Variants in DISC1 observed in about 807,000 individuals in gnomAD.
The protein encoded by DISC1 is disrupted in schizophrenia 1 protein.
Under a neutral mutation model 84.5 loss-of-function variants are expected in DISC1, and 57 were observed. The observed-to-expected ratio is 0.67, with a 90% CI of 0.55 to 0.84. The LOEUF (loss-of-function observed/expected upper bound fraction) is 0.84. DISC1 is among the 40% of genes least tolerant of loss of function. The pLI is 0.00. For synonymous variants in DISC1, 411 were observed against 415.2 expected (o/e 0.99, Z 0.12); for missense variants, 1,000 against 1,057.8 (o/e 0.95, Z 0.76).
chr1:231,757,311 G>T (rs886379477), intron 4 of DISC1, among the ~76,000 whole-genome samples: 1 of 152,056 alleles, frequency 6.6e-6, no homozygotes, highest in African/African-American at 2.4e-5. Context: ...TGAGTTATTC[G>T]TTCACTCCTT....
chr1:232,022,648 CA>C (rs1283802460), intron 11 of DISC1, among the ~76,000 whole-genome samples: 17 of 152,146 alleles, frequency 1.1e-4, no homozygotes, highest in Non-Finnish European at 2.1e-4. Flanking sequence ...TCTGGACAGA[CA>C]GATTTCTTTG....
At chr1:231,942,609 G>T (rs1409606633) in intron 9 of DISC1, among the ~76,000 whole-genome samples, 1 of 152,088 alleles carries the variant, frequency 6.6e-6, no homozygotes, top group Non-Finnish European at 1.5e-5. Flanking sequence ...AGGTTGCAGC[G>T]AGCCGAGATT....
chr1:231,722,797 C>A (rs933528508), intron 3 of DISC1: 56 of 1,450,694 alleles, frequency 3.9e-5, no homozygotes, highest in Non-Finnish European at 8.1e-6. Flanking sequence ...TGGCCATGGG[C>A]TTGAAAAAAA....
Position 231,886,778 on chromosome 1 carries a change from T to A in DISC1, c.1981+68261T>A, listed in dbSNP as rs570132147. 8.9e-4 allele frequency among the ~76,000 whole-genome samples: 82 copies of A among 92,024 alleles called. 1 individual carries two copies. Among genetic ancestry groups the A allele is most frequent in the African/African-American group, 2.9e-3 (76 of 25,982 alleles). 60.4% of individuals were successfully genotyped at this position (92,024 alleles called of 152,430 possible). ...TTCTTCCTTCCTTCCTTTCTTTCTT[T>A]CTTTCTTTCTTTCTTTCTTTCTTTC... On this transcript the variant is annotated intron_variant, in intron 9 of 12. Coordinates refer to ENST00000439617, the MANE Select transcript of DISC1 (RefSeq NM_018662.3).
At chr1:231,948,414 A>G (rs1205848021) in intron 9 of DISC1, among the ~76,000 whole-genome samples, 1 of 152,094 alleles carries the variant, frequency 6.6e-6, no homozygotes, top group African/African-American at 2.4e-5. Context: ...ATGGGAACAC[A>G]TGGACATAGG....
chr1:231,984,364 G>T (rs1664096963), intron 10 of DISC1, among the ~76,000 whole-genome samples: 1 of 152,156 alleles, frequency 6.6e-6, no homozygotes. Context: ...TTTGAGTATA[G>T]TTTGATGGAT....
chr1:232,028,702 G>T (rs1669713026), intron 12 of DISC1, among the ~76,000 whole-genome samples: 1 of 152,134 alleles, frequency 6.6e-6, no homozygotes, highest in Non-Finnish European at 1.5e-5. Flanking sequence ...AGGTAGAAAA[G>T]TGTTATCCAA....
rs1414631675 is a variant in DISC1, at chr1:231,702,536, C to T, written c.1117+512C>T. The T allele has an allele frequency of 4.1e-6, 4 of 985,298 alleles. No homozygotes were observed. In the East Asian group the frequency reaches 3.4e-4, roughly 84 times the overall value. The allele number at this position is 985,298 out of a possible 1,614,324, so 61.0% of individuals were successfully genotyped here. A position where few individuals can be genotyped will look rare whatever the true frequency, so the allele number is the denominator to read the frequency against. Reference sequence around the variant, plus strand: ...AATGTCAGACTGTGCCAAAGGGGGTCACATGCATCAAATTTCCACATACAT... The same window carrying T: ...AATGTCAGACTGTGCCAAAGGGGGTTACATGCATCAAATTTCCACATACAT... On this transcript the variant is annotated intron_variant, in intron 3 of 12. Coordinates refer to ENST00000439617, the MANE Select transcript of DISC1 (RefSeq NM_018662.3).
intron 9 of DISC1, among the ~76,000 whole-genome samples, chr1:231,845,186 T>C (rs1359012089): frequency 6.6e-6 from 1 of 152,142 alleles, no homozygotes; most frequent in African/African-American, 2.4e-5. Context: ...CTGGTTAAAT[T>C]TTAGAGTTCT....
chr1:232,008,855 C>T lies in DISC1; in HGVS notation c.2113C>T (p.Leu705=). 1 of 1,613,152 alleles carries T rather than the reference C, an allele frequency of 6.2e-7. No homozygotes were observed. The highest frequency in any genetic ancestry group is 8.5e-7 in the Non-Finnish European group (1 of 1,179,500). The change falls in exon 11 of 13, where the codon CTA becomes TTA. Residue 705 remains leucine (L), a synonymous_variant. Transcript: ENST00000439617. The part of the protein sequence containing the change: ...LEACRLLIQS[L]QLQEARGSLS... ...AGCTTGTCGATTGCTTATCCAGAGCCTACAGCTCCAGGAAGCCAGGGGAAG... is the reference window on the plus strand; with the variant it reads ...AGCTTGTCGATTGCTTATCCAGAGCTTACAGCTCCAGGAAGCCAGGGGAAG...
chr1:231,866,880 T>C (rs2085101201), intron 9 of DISC1, among the ~76,000 whole-genome samples: 1 of 152,222 alleles, frequency 6.6e-6, no homozygotes, highest in Non-Finnish European at 1.5e-5. Flanking sequence ...AAGCTTACCG[T>C]CTGCTCATCC....
intron 9 of DISC1, among the ~76,000 whole-genome samples, chr1:231,875,881 G>A (rs200760853): frequency 5.3e-5 from 8 of 152,190 alleles, no homozygotes; most frequent in Non-Finnish European, 1.0e-4. Context: ...AAAGCATAAA[G>A]CAAACTGTAC....
intron 3 of DISC1, chr1:231,722,848 C>T (rs369331261): frequency 2.7e-5 from 38 of 1,412,578 alleles, no homozygotes; most frequent in Admixed American, 5.8e-5. Context: ...TTCTCCCATG[C>T]GTTTCCCAGT....
intron 3 of DISC1, among the ~76,000 whole-genome samples, chr1:231,739,460 C>CTGCCAGATGCCTCTG (rs1490546656): frequency 3.3e-5 from 5 of 152,250 alleles, no homozygotes; most frequent in Non-Finnish European, 4.4e-5. Context: ...ACCACGTGTG[C>CTGCCAGATGCCTCTG]TGCCAGATGC....
At chr1:231,669,919 TGTGTATGTTCACTGCAGCACTA>T (rs1187446644) in intron 1 of DISC1, among the ~76,000 whole-genome samples, 1 of 152,078 alleles carries the variant, frequency 6.6e-6, no homozygotes, top group East Asian at 1.9e-4. Context: ...GACACATGCA[TGTGTATGTTCACTGCAGCACTA>T]GTCACAACAG....
rs959429822 is a variant in DISC1, at chr1:232,035,737, C to T, written c.2426-955C>T. On this transcript the variant is annotated intron_variant, in intron 12 of 12. Transcript: ENST00000439617. ...AAGTGGATCAATTTGCTTGTTAAAC[C>T]CAACGCTCACCCTGCATTTGCCTTA... 4.6e-5 allele frequency among the ~76,000 whole-genome samples: 7 copies of T among 152,076 alleles called. No individual in the cohort carries two copies. The East Asian group carries it at 1.3e-3, about 29-fold the overall frequency.
intron 3 of DISC1, among the ~76,000 whole-genome samples, chr1:231,711,804 G>T (rs1243394273): frequency 1.3e-5 from 2 of 152,150 alleles, no homozygotes; most frequent in Non-Finnish European, 2.9e-5. Flanking sequence ...CTGTATTGTG[G>T]CTTATTCTTT....
At chr1:231,647,174 T>C (rs2060208091) in intron 1 of DISC1, among the ~76,000 whole-genome samples, 1 of 152,252 alleles carries the variant, frequency 6.6e-6, no homozygotes, top group African/African-American at 2.4e-5. Flanking sequence ...CTAGGTTTTC[T>C]TCTAGGGTTT....
chr1:231,948,874 T>A (rs1301805315), intron 9 of DISC1, among the ~76,000 whole-genome samples: 7 of 145,390 alleles, frequency 4.8e-5, no homozygotes, highest in Admixed American at 2.7e-4. Flanking sequence ...TTTTTTTTTT[T>A]TTTTTTTTTT....
Sources: gnomAD v4.1 joint callset for allele counts (sites outside exome capture counted in the v4.1 genomes callset) on GRCh38, gnomAD v4.1.1 for gene constraint, MANE v1.5 for transcripts, NCBI Gene and HGNC (gene_info 2026-07-23, HGNC 2026-07-21) for gene names.